Variants in PRKD3 observed in about 807,000 individuals in gnomAD.
The protein encoded by PRKD3 is protein kinase D3, also known as serine/threonine-protein kinase D3.
In PRKD3, 47 loss-of-function variants were observed where a neutral mutation model predicts 99.2. The observed-to-expected ratio is 0.47, with a 90% confidence interval of 0.38 to 0.60. PRKD3 has a LOEUF of 0.60. PRKD3 is among the 20% of genes least tolerant of loss of function. The pLI is 0.00. For synonymous variants in PRKD3, 392 were observed against 355.4 expected (o/e 1.10, Z -1.16); for missense variants, 1,019 against 1,088.4 (o/e 0.94, Z 0.90).
intron 2 of PRKD3, among the ~76,000 whole-genome samples, chr2:37,309,540 A>G (rs1221192928): frequency 6.6e-6 from 1 of 152,192 alleles, no homozygotes; most frequent in Non-Finnish European, 1.5e-5. Flanking sequence ...ATATGCAATC[A>G]CCATTAATCT....
chr2:37,263,517 G>A (rs183189093), intron 14 of PRKD3, among the ~76,000 whole-genome samples: 5 of 152,110 alleles, frequency 3.3e-5, no homozygotes, highest in Non-Finnish European at 5.9e-5. Flanking sequence ...TGATGTGTTT[G>A]TCTGTTTCTC....
At chr2:37,260,109 G>A (rs1307647043) in intron 15 of PRKD3, 114 bp downstream of exon 15, 2 of 928,922 alleles carry the variant, frequency 2.2e-6, no homozygotes, top group Non-Finnish European at 3.2e-6. Context: ...AGGTTGCAGT[G>A]AGCCAGATTG....
chr2:37,293,019 G>C (rs1376712866), intron 3 of PRKD3, 114 bp downstream of exon 3: 10 of 1,152,592 alleles, frequency 8.7e-6, no homozygotes, highest in Non-Finnish European at 1.2e-5. Flanking sequence ...AGAGATGAAA[G>C]AAATTAAGTA....
At position 37,322,173 on chromosome 2, in the gene PRKD3, G is replaced by A. The variant is rs932855901; in HGVS notation, c.-656+2508C>T. 3.9e-5 allele frequency among the ~76,000 whole-genome samples: 6 copies of A among 152,158 alleles called. No individual in the cohort carries two copies. In the South Asian group the frequency reaches 1.2e-3, roughly 32 times the overall value. On this transcript the variant is annotated intron_variant, in intron 1 of 18. Coordinates refer to ENST00000234179, the MANE Select transcript of PRKD3 (RefSeq NM_005813.6). ...CTTTTTCAATGCAATTCTGACCAGC[G>A]TCCTAAAGTCCATGTCCATGTTTTG...
intron 1 of PRKD3, chr2:37,324,288 G>C: frequency 4.3e-6 from 4 of 936,236 alleles, no homozygotes; most frequent in Non-Finnish European, 5.1e-6. Flanking sequence ...GTCTGGCTTC[G>C]GGAACTAGTT....
At chr2:37,284,390 A>T (rs1157663054) in intron 6 of PRKD3, among the ~76,000 whole-genome samples, 1 of 152,210 alleles carries the variant, frequency 6.6e-6, no homozygotes, top group Non-Finnish European at 1.5e-5. Context: ...AGCAGAATTA[A>T]CAGGTTTATG....
At chr2:37,310,156 T>C (rs924326895) in intron 2 of PRKD3, among the ~76,000 whole-genome samples, 17 of 112,838 alleles carry the variant, frequency 1.5e-4, no homozygotes, top group Admixed American at 2.9e-4. Flanking sequence ...ATAAACTTAA[T>C]TGATAGTAGT....
chr2:37,297,229 G>C (rs1338921561), intron 2 of PRKD3, among the ~76,000 whole-genome samples: 1 of 151,974 alleles, frequency 6.6e-6, no homozygotes, highest in Non-Finnish European at 1.5e-5. Flanking sequence ...TATCATTTCA[G>C]GTTTATGGTT....
At chr2:37,253,891 AAAAT>A (rs1177334782) in intron 18 of PRKD3, among the ~76,000 whole-genome samples, 9 of 152,362 alleles carry the variant, frequency 5.9e-5, no homozygotes, top group Admixed American at 3.3e-4. Flanking sequence ...CTTCAATGCA[AAAAT>A]AAATCCTTCA....
chr2:37,267,295 TATTGG>T, intron 14 of PRKD3, 130 bp downstream of exon 14: 1 of 531,840 alleles, frequency 1.9e-6, no homozygotes, highest in Non-Finnish European at 3.2e-6. Flanking sequence ...TAAAGCAAGA[TATTGG>T]CAGTCCCTAT....
intron 16 of PRKD3, among the ~76,000 whole-genome samples, chr2:37,257,774 A>T (rs1668098989): frequency 1.3e-5 from 2 of 152,112 alleles, no homozygotes; most frequent in Admixed American, 1.3e-4. Context: ...CTGGCAAGTA[A>T]ATAAAACTGA....
At chr2:37,313,920 T>C (rs1671552771) in intron 2 of PRKD3, among the ~76,000 whole-genome samples, 1 of 152,236 alleles carries the variant, frequency 6.6e-6, no homozygotes, top group South Asian at 2.1e-4. Context: ...AAGGAACATC[T>C]GTAAGCTTCA....
Position 37,256,652 on chromosome 2 carries a change from TTTTTTTTA to T in PRKD3, c.2413+2_2413+9del. 13 of 1,406,426 alleles carry T rather than the reference TTTTTTTTA, an allele frequency of 9.2e-6. No homozygotes were observed. The highest frequency in any genetic ancestry group is 7.7e-5 in the East Asian group (3 of 38,994). The allele number at this position is 1,406,426 out of a possible 1,614,324, so 87.1% of individuals were successfully genotyped here. ...AATTTTTTTTTTTTTTTTTTTTTTT[TTTTTTTTA>T]CCTTCACCAGAAATTTCTCTCCATG... On this transcript the variant is annotated splice_donor_variant and splice_donor_5th_base_variant and intron_variant, in intron 17 of 18. Coordinates refer to ENST00000234179, the MANE Select transcript of PRKD3 (RefSeq NM_005813.6). LOFTEE classifies it high-confidence loss of function.
intron 14 of PRKD3, among the ~76,000 whole-genome samples, chr2:37,262,816 A>G (rs73927428): frequency 0.01 from 1,569 of 152,168 alleles, 33 homozygotes; most frequent in African/African-American, 0.036. Flanking sequence ...AGTAAGTTAT[A>G]CTTTCATTGA....
chr2:37,266,492 T>C (rs1007905794), intron 14 of PRKD3, among the ~76,000 whole-genome samples: 1 of 151,464 alleles, frequency 6.6e-6, no homozygotes, highest in African/African-American at 2.4e-5. Context: ...CACCCGGCTT[T>C]TTTTTTTTTT....
chr2:37,322,548 G>C (rs974952807), intron 1 of PRKD3, among the ~76,000 whole-genome samples: 4 of 152,328 alleles, frequency 2.6e-5, no homozygotes, highest in Admixed American at 6.5e-5. Flanking sequence ...GTCTGGCAAT[G>C]CAATATGAAT....
chr2:37,280,054 CTTTTT>C, intron 7 of PRKD3, 125 bp from the exon 8 acceptor site: 10 of 463,632 alleles, frequency 2.2e-5, no homozygotes, highest in East Asian at 1.8e-4. Context: ...AAGTATTTCT[CTTTTT>C]TTTTTTTTTT....
intron 6 of PRKD3, among the ~76,000 whole-genome samples, chr2:37,283,949 C>T (rs1370844329): frequency 6.6e-6 from 1 of 150,438 alleles, no homozygotes; most frequent in Non-Finnish European, 1.5e-5. Context: ...GGACTACCTG[C>T]AAGTATGTAG....
chr2:37,260,047 C>A (rs563307106), intron 15 of PRKD3, among the ~76,000 whole-genome samples, 176 bp downstream of exon 15: 1 of 152,104 alleles, frequency 6.6e-6, no homozygotes, highest in South Asian at 2.1e-4. Context: ...CATCTGCAAT[C>A]CTAGATACTT....
Sources: allele counts gnomAD v4.1 joint callset (sites outside exome capture counted in the v4.1 genomes callset), GRCh38; gene constraint gnomAD v4.1.1; transcripts MANE v1.5; gene names NCBI Gene and HGNC (gene_info 2026-07-23, HGNC 2026-07-21).